KCNH1: variants seen among roughly 807,000 people sequenced by gnomAD.
KCNH1 encodes the protein voltage-gated delayed rectifier potassium channel KCNH1.
Under a neutral mutation model 69.2 loss-of-function variants are expected in KCNH1, and 27 were observed. That is an observed-to-expected ratio of 0.39 (90% CI 0.29 to 0.54). The LOEUF is 0.54. Among genes scored for constraint, KCNH1 ranks in the 20% least tolerant of loss-of-function variants. The probability of loss-of-function intolerance (pLI) is 0.68; values close to 1 mark genes in which losing one functional copy is unlikely to be tolerated. For synonymous variants in KCNH1, 456 were observed against 487.7 expected (o/e 0.93, Z 0.86); for missense variants, 798 against 1,261.6 (o/e 0.63, Z 5.57).
chr1:210,926,282 C>G (rs1687571979), intron 6 of KCNH1, among the ~76,000 whole-genome samples: 1 of 151,938 alleles, frequency 6.6e-6, no homozygotes, highest in Non-Finnish European at 1.5e-5. Flanking sequence ...CACACACACA[C>G]ACACAAAACC....
At chr1:211,118,233 C>T (rs906674593) in intron 1 of KCNH1, among the ~76,000 whole-genome samples, 7 of 152,210 alleles carry the variant, frequency 4.6e-5, no homozygotes, top group Admixed American at 2.6e-4. Context: ...ATACCACACA[C>T]GTATGTGTAT....
At chr1:211,095,000 C>T (rs911180776) in intron 3 of KCNH1, among the ~76,000 whole-genome samples, 5 of 152,158 alleles carry the variant, frequency 3.3e-5, no homozygotes, top group African/African-American at 1.2e-4. Context: ...TTCTACCCTC[C>T]GAGGATATTC....
At chr1:210,996,953 T>C (rs1401855921) in intron 6 of KCNH1, among the ~76,000 whole-genome samples, 1 of 152,214 alleles carries the variant, frequency 6.6e-6, no homozygotes, top group African/African-American at 2.4e-5. Flanking sequence ...CTGAGGGTTC[T>C]GTCTGTTAGA....
intron 7 of KCNH1, among the ~76,000 whole-genome samples, chr1:210,917,229 G>GAGAAAGAAAGAAAGAAAGAA (rs1187754589): frequency 1.5e-4 from 12 of 78,868 alleles, no homozygotes; most frequent in South Asian, 5.0e-4. Flanking sequence ...GAGAGAGAGA[G>GAGAAAGAAAGAAAGAAAGAA]AGAAAGAAAG....
intron 7 of KCNH1, among the ~76,000 whole-genome samples, chr1:210,817,123 G>T (rs1305841932): frequency 6.6e-6 from 1 of 152,120 alleles, no homozygotes; most frequent in Non-Finnish European, 1.5e-5. Flanking sequence ...GTAAGTTATA[G>T]TGCCTCTTCT....
At chr1:211,108,396 G>A (rs1268643070) in intron 1 of KCNH1, 2 of 151,628 alleles carry the variant, frequency 1.3e-5, no homozygotes, top group Admixed American at 1.3e-4. Flanking sequence ...GTGTGTCTGT[G>A]TGTGTGTGTG....
chr1:210,768,976 G>A (rs1037865630), intron 10 of KCNH1, among the ~76,000 whole-genome samples: 1 of 151,960 alleles, frequency 6.6e-6, no homozygotes, highest in African/African-American at 2.4e-5. Flanking sequence ...AAGAATTATG[G>A]TCATGTCACT....
At chr1:210,697,258 A>G (rs1344621371) in intron 10 of KCNH1, among the ~76,000 whole-genome samples, 2 of 152,180 alleles carry the variant, frequency 1.3e-5, no homozygotes. Context: ...GAGGGCTAAG[A>G]GGGTCTTCCT....
intron 5 of KCNH1, among the ~76,000 whole-genome samples, chr1:211,060,885 CA>C (rs1194234025): frequency 6.6e-6 from 1 of 152,030 alleles, no homozygotes; most frequent in African/African-American, 2.4e-5. Flanking sequence ...CAAACATAAA[CA>C]AGAACTAATA....
chr1:210,807,416 T>C (rs1684606721), intron 7 of KCNH1, among the ~76,000 whole-genome samples: 2 of 151,810 alleles, frequency 1.3e-5, no homozygotes, highest in South Asian at 4.2e-4. Flanking sequence ...ACCAGCCTGG[T>C]CAACATGGCA....
chr1:210,756,898 G>C (rs1172187672), intron 10 of KCNH1, among the ~76,000 whole-genome samples: 1 of 152,188 alleles, frequency 6.6e-6, no homozygotes, highest in African/African-American at 2.4e-5. Context: ...ACAAATTTGG[G>C]GGAGAGGGAA....
intron 7 of KCNH1, among the ~76,000 whole-genome samples, chr1:210,809,164 G>A (rs757402766): frequency 1.1e-4 from 17 of 151,980 alleles, no homozygotes; most frequent in Non-Finnish European, 2.4e-4. Flanking sequence ...TATGGAATTT[G>A]GCTGGGGAGG....
rs1036174466 is a variant in KCNH1 at position 210,680,873 on chromosome 1, T to C, written c.*2408A>G. 6.6e-6 allele frequency: 1 copy of C among 152,042 alleles called. No individual in the cohort carries two copies. Among genetic ancestry groups the C allele is most frequent in the Non-Finnish European group, 1.5e-5 (1 of 68,024 alleles). The allele number at this position is 152,042 out of a possible 1,614,324, so 9.4% of individuals were successfully genotyped here. On this transcript the variant is annotated 3_prime_UTR_variant, in exon 11 of 11. Coordinates refer to ENST00000271751, the MANE Select transcript of KCNH1 (RefSeq NM_172362.3). Reference sequence around the variant, plus strand: ...TAAAGCTACATTCCCCCCAAGAACATGTCTGGACTTCAAAGCCTTATACCA... The same window carrying C: ...TAAAGCTACATTCCCCCCAAGAACACGTCTGGACTTCAAAGCCTTATACCA...
Position 210,974,265 on chromosome 1 carries a change from GTATC to G in KCNH1, c.1032+44514_1032+44517del, listed in dbSNP as rs748141859. Among the ~76,000 whole-genome samples, 24 of 152,002 alleles carry G rather than the reference GTATC, an allele frequency of 1.6e-4. No individual in the cohort carries two copies. The East Asian group carries it at 2.5e-3, about 16-fold the overall frequency. ...TTGGATTTTATTTAATGATTTTTCTGTATCTATTAATATGAACTTGTGGATTTTT... is the reference window on the plus strand; with the variant it reads ...TTGGATTTTATTTAATGATTTTTCTGTATTAATATGAACTTGTGGATTTTT... On this transcript the variant is annotated intron_variant, in intron 6 of 10. Coordinates refer to ENST00000271751, the MANE Select transcript of KCNH1 (RefSeq NM_172362.3).
At chr1:210,859,387 G>A (rs1387840572) in intron 7 of KCNH1, 1 of 1,571,598 alleles carries the variant, frequency 6.4e-7, no homozygotes, top group Non-Finnish European at 8.8e-7. Context: ...ATTTCGAATG[G>A]TTTGAAAGAT....
chr1:210,867,362 C>CAT (rs915065010), intron 7 of KCNH1, among the ~76,000 whole-genome samples: 3,161 of 67,196 alleles, frequency 0.047, 107 homozygotes, highest in African/African-American at 0.1. Context: ...CACACACACA[C>CAT]ATATATATAT....
At chr1:210,760,073 A>G (rs1683486155) in intron 10 of KCNH1, among the ~76,000 whole-genome samples, 1 of 152,172 alleles carries the variant, frequency 6.6e-6, no homozygotes, top group Admixed American at 6.5e-5. Context: ...GAGATGAAAC[A>G]GTTTCATCCT....
At chr1:211,016,646 C>T (rs1219137865) in intron 6 of KCNH1, among the ~76,000 whole-genome samples, 2 of 152,060 alleles carry the variant, frequency 1.3e-5, no homozygotes, top group Non-Finnish European at 2.9e-5. Flanking sequence ...TGGTGGCTCA[C>T]ACCTGTAATC....
chr1:210,893,301 T>G (rs548881810), intron 7 of KCNH1, among the ~76,000 whole-genome samples: 20 of 152,194 alleles, frequency 1.3e-4, no homozygotes, highest in Non-Finnish European at 2.5e-4. Flanking sequence ...GTTGATAGTT[T>G]TCTTTTAGTA....
Sources: allele counts gnomAD v4.1 joint callset (sites outside exome capture counted in the v4.1 genomes callset), GRCh38; gene constraint gnomAD v4.1.1; transcripts MANE v1.5; gene names NCBI Gene and HGNC (gene_info 2026-07-23, HGNC 2026-07-21).